Variants in CNTN5 observed in about 807,000 individuals in gnomAD.
The protein encoded by CNTN5 is contactin-5.
CNTN5 carries 77 observed loss-of-function variants against 129.1 expected under a neutral mutation model. That is an observed-to-expected ratio of 0.60 (90% CI 0.50 to 0.72). CNTN5 has a LOEUF of 0.72. Among genes scored for constraint, CNTN5 ranks in the 30% least tolerant of loss-of-function variants. The pLI is 0.00. For missense variants in CNTN5, 1,478 were observed against 1,328.8 expected, an observed-to-expected ratio of 1.11 and a Z score of -1.75; for synonymous variants, 509 against 465.6, an observed-to-expected ratio of 1.09 and a Z score of -1.20.
rs1951020041 is a variant in CNTN5 at position 99,623,429 on chromosome 11, A to G, written c.55+67160A>G. Among the ~76,000 whole-genome samples the G allele has an allele frequency of 3.9e-5, 6 of 152,252 alleles. No homozygotes were observed. In the South Asian group the frequency reaches 1.2e-3, roughly 32 times the overall value. On this transcript the variant is annotated intron_variant, in intron 3 of 24. Transcript: ENST00000524871. The stretch of plus-strand genomic sequence containing the variant: ...CTTCATCCCCAGTAGGATGGCACTG[A>G]TAGTCAACAGTCTTGCCAAGCTTAC...
chr11:100,292,159 T>A (rs146282934), intron 18 of CNTN5, among the ~76,000 whole-genome samples: 1 of 152,204 alleles, frequency 6.6e-6, no homozygotes, highest in Non-Finnish European at 1.5e-5. Flanking sequence ...ATTTTGTACT[T>A]TCCAGCGGTG....
intron 3 of CNTN5, among the ~76,000 whole-genome samples, chr11:99,731,959 A>T (rs1023206015): frequency 6.6e-6 from 1 of 152,234 alleles, no homozygotes; most frequent in Non-Finnish European, 1.5e-5. Flanking sequence ...ATTGGTGTCC[A>T]TATTTAGATA....
At chr11:99,710,373 T>G (rs11221079) in intron 3 of CNTN5, among the ~76,000 whole-genome samples, 1 of 151,854 alleles carries the variant, frequency 6.6e-6, no homozygotes, top group Non-Finnish European at 1.5e-5. Flanking sequence ...CTAAATAATC[T>G]CATAAAACTA....
At chr11:100,094,765 A>AAGGAAGGAAGGAAGGAAGG (rs1491219635) in intron 13 of CNTN5, among the ~76,000 whole-genome samples, 2 of 113,850 alleles carry the variant, frequency 1.8e-5, no homozygotes, top group African/African-American at 3.2e-5. Flanking sequence ...GGGAGGGAGG[A>AAGGAAGGAAGGAAGGAAGG]AAGGAAGGAA....
intron 3 of CNTN5, among the ~76,000 whole-genome samples, chr11:99,688,721 G>C (rs1254832993): frequency 3.3e-5 from 5 of 152,096 alleles, no homozygotes; most frequent in Non-Finnish European, 7.4e-5. Flanking sequence ...ATTAATCCCA[G>C]CATTCATTAG....
chr11:99,167,633 C>T (rs1860934665), intron 1 of CNTN5, among the ~76,000 whole-genome samples: 1 of 152,022 alleles, frequency 6.6e-6, no homozygotes, highest in African/African-American at 2.4e-5. Flanking sequence ...CATAGTGATC[C>T]ATTATCTAAC....
chr11:99,139,170 G>A (rs1054251533), intron 1 of CNTN5, among the ~76,000 whole-genome samples: 2 of 151,460 alleles, frequency 1.3e-5, no homozygotes, highest in African/African-American at 2.4e-5. Flanking sequence ...AGGAGGCTGA[G>A]GTGGGAGGAT....
chr11:99,673,331 A>G (rs1411316847), intron 3 of CNTN5, among the ~76,000 whole-genome samples: 1 of 152,166 alleles, frequency 6.6e-6, no homozygotes, highest in Non-Finnish European at 1.5e-5. Flanking sequence ...TGCACTACCA[A>G]TCTTACAGTC....
At chr11:99,558,747 G>A (rs544985539) in intron 3 of CNTN5, among the ~76,000 whole-genome samples, 1 of 152,180 alleles carries the variant, frequency 6.6e-6, no homozygotes, top group South Asian at 2.1e-4. Flanking sequence ...ATTAGGAAGA[G>A]TTTGGGTATG....
chr11:100,219,395 G>T (rs575251206), intron 15 of CNTN5, among the ~76,000 whole-genome samples: 1 of 152,164 alleles, frequency 6.6e-6, no homozygotes, highest in South Asian at 2.1e-4. Flanking sequence ...CTACAAGTCA[G>T]CCCAGGAAAA....
intron 13 of CNTN5, among the ~76,000 whole-genome samples, chr11:100,144,832 A>C (rs1409137028): frequency 6.6e-6 from 1 of 151,876 alleles, no homozygotes; most frequent in Non-Finnish European, 1.5e-5. Flanking sequence ...TATAATGTTA[A>C]AAAATTGATT....
intron 1 of CNTN5, among the ~76,000 whole-genome samples, chr11:99,225,463 A>C (rs924254575): frequency 2.0e-5 from 3 of 152,070 alleles, no homozygotes; most frequent in Admixed American, 6.6e-5. Flanking sequence ...CCAATTCCCT[A>C]CTGATTCAGT....
chr11:100,151,718 A>T (rs1947067085), intron 13 of CNTN5, among the ~76,000 whole-genome samples: 1 of 152,180 alleles, frequency 6.6e-6, no homozygotes, highest in Non-Finnish European at 1.5e-5. Flanking sequence ...ATTTAGATAG[A>T]TATGCTTTTC....
intron 2 of CNTN5, among the ~76,000 whole-genome samples, chr11:99,399,801 C>T (rs960374297): frequency 1.3e-5 from 2 of 151,290 alleles, no homozygotes; most frequent in Non-Finnish European, 3.0e-5. Flanking sequence ...TTATTGTAAG[C>T]TTTGTTTTGT....
At chr11:99,884,261 A>G (rs917056981) in intron 6 of CNTN5, among the ~76,000 whole-genome samples, 5 of 152,234 alleles carry the variant, frequency 3.3e-5, no homozygotes, top group African/African-American at 1.2e-4. Context: ...TCAAAGAGAA[A>G]AAATATTAGA....
intron 1 of CNTN5, among the ~76,000 whole-genome samples, chr11:99,039,776 T>G (rs188563076): frequency 2.0e-5 from 3 of 152,264 alleles, no homozygotes; most frequent in Admixed American, 1.3e-4. Context: ...GTATGGCCCT[T>G]GTGTTGAGAA....
At chr11:99,738,805 G>C (rs1355761906) in intron 3 of CNTN5, among the ~76,000 whole-genome samples, 1 of 152,068 alleles carries the variant, frequency 6.6e-6, no homozygotes, top group African/African-American at 2.4e-5. Flanking sequence ...GGGGGTTTTA[G>C]GCATGTAGAA....
chr11:99,768,849 T>C (rs957551375), intron 3 of CNTN5, among the ~76,000 whole-genome samples: 1 of 152,104 alleles, frequency 6.6e-6, no homozygotes, highest in Non-Finnish European at 1.5e-5. Flanking sequence ...TCCAGTGATA[T>C]CTTGAAACTA....
At chr11:100,061,993 T>C (rs2137811251) in intron 10 of CNTN5, among the ~76,000 whole-genome samples, 1 of 152,362 alleles carries the variant, frequency 6.6e-6, no homozygotes, top group Admixed American at 6.5e-5. Flanking sequence ...CAAGTGTTTA[T>C]ATTGTCCAAA....
Sources: allele counts gnomAD v4.1 joint callset (sites outside exome capture counted in the v4.1 genomes callset), GRCh38; gene constraint gnomAD v4.1.1; transcripts MANE v1.5; gene names NCBI Gene and HGNC (gene_info 2026-07-23, HGNC 2026-07-21).